The following PCSK5 variants were observed in gnomAD, a reference collection of about 807,000 sequenced individuals.
PCSK5 encodes prohormone convertase 5.
PCSK5 carries 129 observed loss-of-function variants against 233.2 expected under a neutral mutation model. The ratio of observed to expected loss-of-function variants is 0.55; its 90% CI spans 0.48 to 0.64. The LOEUF (loss-of-function observed/expected upper bound fraction) is 0.64. Among genes scored for constraint, PCSK5 ranks in the 30% least tolerant of loss-of-function variants. PCSK5 has a pLI of 0.00. For missense variants in PCSK5, 2,076 were observed against 2,430.1 expected (o/e 0.85, Z 3.06); for synonymous variants, 825 against 879.2 (o/e 0.94, Z 1.09).
intron 10 of PCSK5, among the ~76,000 whole-genome samples, chr9:76,151,883 G>C (rs1218251292): frequency 6.6e-6 from 1 of 152,082 alleles, no homozygotes; most frequent in East Asian, 1.9e-4. Flanking sequence ...ATTATTTTCT[G>C]TTGCATTTGG....
At chr9:76,056,124 C>T (rs549488686) in intron 5 of PCSK5, among the ~76,000 whole-genome samples, 4 of 152,248 alleles carry the variant, frequency 2.6e-5, no homozygotes, top group South Asian at 4.1e-4. Context: ...AGACAGAATC[C>T]GTGAACACCT....
chr9:76,351,492 GAAA>G lies in PCSK5; in HGVS notation c.5067+565_5067+567del, dbSNP rs1206525225. On this transcript the variant is annotated intron_variant, in intron 36 of 37. Coordinates refer to ENST00000674117, the MANE Select transcript of PCSK5 (RefSeq NM_001372043.1). ...AGAAAGAAAGAAAGAAAGAAAGAAA[GAAA>G]GAAAGAAAGAAAGAAAGAAAGAAAG... is the stretch of plus-strand genomic sequence containing the variant. 1.2e-4 allele frequency among the ~76,000 whole-genome samples: 11 copies of G among 92,776 alleles called. 1 individual carries two copies. The East Asian group carries it at 4.5e-3, about 38-fold the overall frequency. 60.9% of individuals were successfully genotyped at this position (92,776 alleles called of 152,430 possible).
chr9:76,143,548 AACTG>A (rs558294496), intron 10 of PCSK5, among the ~76,000 whole-genome samples: 14 of 140,424 alleles, frequency 1.0e-4, no homozygotes, highest in Admixed American at 5.9e-4. Context: ...GTGTGTAACA[AACTG>A]ACTGGTTGAA....
chr9:76,172,908 G>A (rs960507146), intron 13 of PCSK5, among the ~76,000 whole-genome samples: 3 of 152,134 alleles, frequency 2.0e-5, no homozygotes, highest in Non-Finnish European at 4.4e-5. Flanking sequence ...TAAACCGATT[G>A]TACTGGTCCA....
intron 4 of PCSK5, among the ~76,000 whole-genome samples, chr9:76,026,556 G>A (rs1828432720): frequency 6.6e-6 from 1 of 152,160 alleles, no homozygotes. Context: ...ATCAAGTAAG[G>A]AGTAGGGAGA....
intron 20 of PCSK5, among the ~76,000 whole-genome samples, chr9:76,197,628 T>C (rs1179114630): frequency 6.6e-6 from 1 of 152,146 alleles, no homozygotes; most frequent in Non-Finnish European, 1.5e-5. Flanking sequence ...GAGAGAGCAA[T>C]GGCAGACGGC....
intron 5 of PCSK5, among the ~76,000 whole-genome samples, chr9:76,038,238 T>G (rs1828946088): frequency 6.6e-6 from 1 of 152,182 alleles, no homozygotes; most frequent in African/African-American, 2.4e-5. Context: ...TATCAGGTTG[T>G]CACATATCCT....
intron 24 of PCSK5, 145 bp downstream of exon 24, chr9:76,240,829 C>T (rs1403785756): frequency 3.1e-6 from 2 of 635,334 alleles, no homozygotes; most frequent in Non-Finnish European, 5.7e-6. Flanking sequence ...AGGCTTTCTT[C>T]AATACAAACA....
chr9:75,971,946 A>G (rs553532936), intron 2 of PCSK5, among the ~76,000 whole-genome samples: 2 of 152,016 alleles, frequency 1.3e-5, no homozygotes, highest in South Asian at 4.2e-4. Context: ...CCATTTGTCA[A>G]TTTTTGCTTT....
intron 24 of PCSK5, among the ~76,000 whole-genome samples, chr9:76,253,352 T>C (rs1291391580): frequency 6.6e-6 from 1 of 152,152 alleles, no homozygotes; most frequent in Non-Finnish European, 1.5e-5. Flanking sequence ...CAAGCTCCAT[T>C]AAACAGTTCT....
At chr9:75,990,239 C>G (rs1036245728) in intron 3 of PCSK5, among the ~76,000 whole-genome samples, 5 of 152,176 alleles carry the variant, frequency 3.3e-5, no homozygotes, top group Non-Finnish European at 7.3e-5. Context: ...GCCTCCAGCT[C>G]GTTAGCCTGG....
chr9:75,936,767 G>C (rs1363430045), intron 2 of PCSK5, among the ~76,000 whole-genome samples: 3 of 152,066 alleles, frequency 2.0e-5, no homozygotes, highest in Admixed American at 2.0e-4. Context: ...CTCCCCTTAT[G>C]AATCAAGAAC....
intron 3 of PCSK5, among the ~76,000 whole-genome samples, chr9:76,018,092 G>A (rs531255194): frequency 2.6e-5 from 4 of 151,096 alleles, no homozygotes; most frequent in Admixed American, 2.0e-4. Flanking sequence ...CCCAAGTACT[G>A]AGAAGCAGAT....
intron 9 of PCSK5, among the ~76,000 whole-genome samples, chr9:76,126,167 C>CTGTG (rs140371301): frequency 9.8e-5 from 6 of 61,506 alleles, no homozygotes; most frequent in African/African-American, 4.9e-4. Context: ...TGATTTTTTC[C>CTGTG]TGCGTGTGTG....
chr9:76,157,720 G>A (rs775509449), intron 11 of PCSK5, among the ~76,000 whole-genome samples: 4 of 149,290 alleles, frequency 2.7e-5, no homozygotes, highest in Non-Finnish European at 4.4e-5. Flanking sequence ...TTGAACTTTG[G>A]TTGATGATGA....
In PCSK5 at chr9:75,908,973, A is replaced by G. The variant is rs964395337; in HGVS notation, c.192+17600A>G. On this transcript the variant is annotated intron_variant, in intron 1 of 37. Transcript: ENST00000674117. ...TATCTATCTATCTATCTATCTATCT[A>G]TCTATCTATCTATCTATCCGATTTT... 1.5e-4 allele frequency among the ~76,000 whole-genome samples: 19 copies of G among 126,894 alleles called. 1 individual carries two copies. The East Asian group carries it at 4.1e-3, about 27-fold the overall frequency. The allele number at this position is 126,894 out of a possible 152,430, so 83.2% of individuals were successfully genotyped here.
rs1823874557 is a variant in PCSK5 at position 76,181,598 on chromosome 9, T to C, written c.2197+7T>C. The C allele has an allele frequency of 6.3e-7, 1 of 1,595,278 alleles. No homozygotes were observed. Among genetic ancestry groups the C allele is most frequent in the South Asian group, 1.1e-5 (1 of 89,610 alleles). On this transcript the variant is annotated splice_region_variant and intron_variant, in intron 16 of 37. Transcript: ENST00000674117. ...GGGTCATATCAGGATACCAGTAAGC[T>C]CACTTCAAATACTTGGGTTTTAGAG... is the stretch of plus-strand genomic sequence containing the variant.
intron 35 of PCSK5, among the ~76,000 whole-genome samples, chr9:76,341,688 CCT>C (rs993211402): frequency 1.3e-5 from 2 of 152,020 alleles, no homozygotes; most frequent in African/African-American, 4.8e-5. Flanking sequence ...TTCTTTACTC[CCT>C]CTCTCTCTTA....
At chr9:76,321,376 T>C in intron 30 of PCSK5, 46 bp from the exon 31 acceptor site, 1 of 1,032,504 alleles carries the variant, frequency 9.7e-7, no homozygotes, top group African/African-American at 1.6e-5. Flanking sequence ...GAGTCACTTC[T>C]CCAGCAGGTC....
Sources: allele counts gnomAD v4.1 joint callset (sites outside exome capture counted in the v4.1 genomes callset), GRCh38; gene constraint gnomAD v4.1.1; transcripts MANE v1.5; gene names NCBI Gene and HGNC (gene_info 2026-07-23, HGNC 2026-07-21).